The following SLC19A1 variants were observed in gnomAD, a reference collection of about 807,000 sequenced individuals.
The protein encoded by SLC19A1 is solute carrier family 19 member 1.
A neutral mutation model predicts 35.3 loss-of-function variants in SLC19A1; 37 were observed. The ratio of observed to expected loss-of-function variants is 1.05; its 90% CI spans 0.81 to 1.38. The LOEUF (loss-of-function observed/expected upper bound fraction) is 1.38. Ranked by LOEUF, SLC19A1 falls within the 40% of genes most tolerant of loss-of-function variation. SLC19A1 has a pLI of 0.00. For missense variants in SLC19A1, 831 were observed against 826.9 expected (o/e 1.00, Z -0.06); for synonymous variants, 460 against 398.5 (o/e 1.15, Z -1.84).
intron 1 of SLC19A1, among the ~76,000 whole-genome samples, chr21:45,560,350 T>G (rs8129885): frequency 9.3e-5 from 12 of 129,064 alleles, no homozygotes; most frequent in South Asian, 2.5e-4. Flanking sequence ...GGGTGCCCAC[T>G]ATGGCCCCCA....
In SLC19A1 at chr21:45,537,636, G is replaced by A. The variant is rs1284052218; in HGVS notation, c.189+135C>T. On this transcript the variant is annotated intron_variant, in intron 2 of 5. Transcript: ENST00000311124. ...CCGCCCTGGCACCCAGCGCCCACGT[G>A]CCTATTCCAGAAGCTGCTCCCTGCC... 3 of 702,636 alleles carry A rather than the reference G, an allele frequency of 4.3e-6. No individual in the cohort carries two copies. In the East Asian group the frequency reaches 1.0e-4, roughly 24 times the overall value. 43.5% of individuals were successfully genotyped at this position (702,636 alleles called of 1,614,324 possible).
chr21:45,511,294 T>TATCTGCAGTTTCCC, downstream of SLC19A1: 1 of 808,332 alleles, frequency 1.2e-6, no homozygotes, highest in Non-Finnish European at 2.1e-6. Context: ...GGCGGGCTCC[T>TATCTGCAGTTTCCC]ATCTGCAGTT....
At chr21:45,544,831 G>A (rs767674975), upstream of SLC19A1, among the ~76,000 whole-genome samples, 33 of 152,036 alleles carry the variant, frequency 2.2e-4, no homozygotes, top group Non-Finnish European at 3.4e-4. Context: ...CCCACTCCCC[G>A]GCAGCCTTAG....
intron 5 of SLC19A1, among the ~76,000 whole-genome samples, chr21:45,516,793 C>T (rs1050420932): frequency 6.6e-6 from 1 of 152,164 alleles, no homozygotes; most frequent in Non-Finnish European, 1.5e-5. Context: ...CTGCAGTGCC[C>T]TCAGGACATC....
intron 3 of SLC19A1, among the ~76,000 whole-genome samples, chr21:45,503,564 C>G (rs533862571): frequency 6.9e-5 from 10 of 145,366 alleles, no homozygotes; most frequent in Non-Finnish European, 1.0e-4. Context: ...CATATTCTCA[C>G]TCATAGGTGG....
At position 45,519,770 on chromosome 21, in the gene SLC19A1, A is replaced by G. The variant is rs78885681; in HGVS notation, c.1294-3630T>C. Among the ~76,000 whole-genome samples the G allele has an allele frequency of 6.7e-3, 1,020 of 152,278 alleles. 14 individuals carry two copies. Among genetic ancestry groups the G allele is most frequent in the African/African-American group, 0.023 (953 of 41,548 alleles). ...AACTGAAAGGAGAAACAGATCCACA[A>G]TTATACTTAGGAGACTTCAATACCC... is the stretch of plus-strand genomic sequence containing the variant. On this transcript the variant is annotated intron_variant, in intron 5 of 5. Coordinates refer to ENST00000311124, the MANE Select transcript of SLC19A1 (RefSeq NM_194255.4).
rs35123999 is a variant in SLC19A1 at position 45,540,276 on chromosome 21, TCC to T, written c.-50+2090_-50+2091del. ...CAGCAGGTTTAGACAGGCGCACCGA[TCC>T]CCAGACAACCAGAGCAACCAGATCG... is the stretch of plus-strand genomic sequence containing the variant. On this transcript the variant is annotated intron_variant, in intron 1 of 5. Transcript: ENST00000311124. This position sits in a 1 kb window ranked among gnomAD's most constrained non-coding sequence, Gnocchi z 5.5. Among the ~76,000 whole-genome samples the T allele has an allele frequency of 6.6e-6, 1 of 152,082 alleles. No homozygotes were observed. The highest frequency in any genetic ancestry group is 1.5e-5 in the Non-Finnish European group (1 of 68,000).
chr21:45,558,601 G>A (rs1432284215), intron 1 of SLC19A1, among the ~76,000 whole-genome samples: 9 of 152,140 alleles, frequency 5.9e-5, no homozygotes, highest in East Asian at 1.9e-4. Context: ...AGAGGACTGC[G>A]TTTGGTTTGA....
Position 45,530,322 on chromosome 21 carries a change from G to A in SLC19A1, c.1151+448C>T, listed in dbSNP as rs1349910732. ...ACGTGTGGTATGTGTTCATGAGTGT[G>A]TGGTGAGTGTCCATCTGTGCGCATG... is the stretch of plus-strand genomic sequence containing the variant. On this transcript the variant is annotated intron_variant, in intron 4 of 5. Transcript: ENST00000311124. This position sits in a 1 kb window ranked among gnomAD's most constrained non-coding sequence, Gnocchi z 5.3. Among the ~76,000 whole-genome samples, 3 of 149,422 alleles carry A rather than the reference G, an allele frequency of 2.0e-5. No homozygotes were observed. The East Asian group carries it at 5.9e-4, about 29-fold the overall frequency.
intron 3 of SLC19A1, chr21:45,505,969 G>A (rs550560458): frequency 6.2e-7 from 1 of 1,613,096 alleles, no homozygotes; most frequent in South Asian, 1.1e-5. Context: ...AGGTCCAGGT[G>A]AGCGCTCTGT....
chr21:45,510,441 C>T (rs187265914), downstream of SLC19A1, among the ~76,000 whole-genome samples: 224 of 152,286 alleles, frequency 1.5e-3, 3 homozygotes, highest in Admixed American at 0.014. Context: ...AGGCTCAGGC[C>T]AGGCCTCTGC....
At chr21:45,516,897 C>T (rs2037975294) in intron 5 of SLC19A1, among the ~76,000 whole-genome samples, 2 of 152,210 alleles carry the variant, frequency 1.3e-5, no homozygotes, top group Non-Finnish European at 2.9e-5. Flanking sequence ...GGCACCGGCA[C>T]CCTTCCAGGA....
At chr21:45,503,578 C>T (rs7281141) in intron 3 of SLC19A1, among the ~76,000 whole-genome samples, 73 of 142,542 alleles carry the variant, frequency 5.1e-4, no homozygotes, top group East Asian at 3.4e-3. Flanking sequence ...TAGGTGGGAA[C>T]TGAACAATGA....
intron 2 of SLC19A1, 149 bp from the exon 3 acceptor site, chr21:45,532,297 T>C: frequency 1.5e-6 from 1 of 649,782 alleles, no homozygotes. Context: ...CTGTCCCATG[T>C]CCCACTGCAT....
chr21:45,541,024 AAAG>A (rs58613344), intron 1 of SLC19A1, among the ~76,000 whole-genome samples: 2,781 of 151,492 alleles, frequency 0.018, 104 homozygotes, highest in African/African-American at 0.064. Flanking sequence ...GCTAGTTTAA[AAAG>A]AAGAAGAAGA....
At chr21:45,502,651 G>A (rs1315286152) in intron 3 of SLC19A1, 3 of 152,188 alleles carry the variant, frequency 2.0e-5, no homozygotes, top group Non-Finnish European at 4.4e-5. Flanking sequence ...GAGAGAAGCA[G>A]CAACAAGCAG....
chr21:45,510,175 C>T (rs371038039), downstream of SLC19A1: 114 of 1,596,638 alleles, frequency 7.1e-5, no homozygotes, highest in African/African-American at 2.4e-4. Context: ...GGGCACCTTC[C>T]GCGCCTTCCT....
intron 1 of SLC19A1, among the ~76,000 whole-genome samples, chr21:45,539,339 G>A (rs923583656): frequency 4.6e-5 from 7 of 152,268 alleles, no homozygotes; most frequent in Non-Finnish European, 8.8e-5. Flanking sequence ...AGCGCATGCA[G>A]AGGGCAGCTG....
At chr21:45,528,195 G>A (rs2077717695) in intron 4 of SLC19A1, among the ~76,000 whole-genome samples, 1 of 152,134 alleles carries the variant, frequency 6.6e-6, no homozygotes, top group African/African-American at 2.4e-5. Context: ...ACAACAGGGA[G>A]AACTGAGCAC....
Sources: gnomAD v4.1 joint callset for allele counts (sites outside exome capture counted in the v4.1 genomes callset) on GRCh38, gnomAD v4.1.1 for gene constraint, Gnocchi (gnomAD v3.1) non-coding constraint, MANE v1.5 for transcripts, NCBI Gene and HGNC (gene_info 2026-07-23, HGNC 2026-07-21) for gene names.